H2BC12: variants seen among roughly 807,000 people sequenced by gnomAD.
H2BC12 encodes histone H2B type 1-K.
Under a neutral mutation model 6.3 loss-of-function variants are expected in H2BC12, and 6 were observed. The ratio of observed to expected loss-of-function variants is 0.95; its 90% CI spans 0.52 to 1.87. The LOEUF (loss-of-function observed/expected upper bound fraction) is 1.87. Among genes scored for constraint, H2BC12 ranks in the 40% most tolerant of loss-of-function variants. The pLI, the probability that H2BC12 is intolerant of heterozygous loss-of-function variation, is 0.01. For synonymous variants in H2BC12, 132 were observed against 78.5 expected, an observed-to-expected ratio of 1.68 and a Z score of -3.60; for missense variants, 119 against 178.4, an observed-to-expected ratio of 0.67 and a Z score of 1.90.
downstream of H2BC12, among the ~76,000 whole-genome samples, chr6:27,143,846 TAAA>T (rs34292040): frequency 2.2e-4 from 25 of 113,582 alleles, no homozygotes; most frequent in Middle Eastern, 5.1e-3. Context: ...AACTACTCTT[TAAA>T]AAAAAAAAAA....
downstream of H2BC12, among the ~76,000 whole-genome samples, chr6:27,141,695 TTTTTA>T (rs1386867189): frequency 3.3e-5 from 5 of 152,146 alleles, no homozygotes; most frequent in Admixed American, 2.6e-4. Context: ...GAGAAAGTCG[TTTTTA>T]TTTTGTGTCT....
chr6:27,144,419 G>C (rs550445742), downstream of H2BC12, among the ~76,000 whole-genome samples: 1,145 of 131,354 alleles, frequency 8.7e-3, 23 homozygotes, highest in African/African-American at 0.031. Flanking sequence ...CCAAGATCTC[G>C]CCGTTGCACT....
chr6:27,139,669 C>T, the H2BC12 span: 4 of 1,542,482 alleles, frequency 2.6e-6, no homozygotes, highest in Non-Finnish European at 3.5e-6. Flanking sequence ...TTTTTAGGGC[C>T]CCTAAGCTTT....
At chr6:27,145,301 C>CAA (rs1347779704), downstream of H2BC12, among the ~76,000 whole-genome samples, 1 of 116,228 alleles carries the variant, frequency 8.6e-6, no homozygotes, top group Non-Finnish European at 1.6e-5. Context: ...TAAATACACA[C>CAA]ACACACACAC....
chr6:27,139,028 G>A, the H2BC12 span: 12 of 348,820 alleles, frequency 3.4e-5, no homozygotes, highest in African/African-American at 2.3e-4. Flanking sequence ...CATTCTTTTT[G>A]CTTTATGTAT....
the H2BC12 span, chr6:27,139,254 A>AT: frequency 6.5e-7 from 1 of 1,532,314 alleles, no homozygotes; most frequent in African/African-American, 1.4e-5. Context: ...GAGGTTACCC[A>AT]TAAAAGAAAG....
In H2BC12 at chr6:27,146,598, G is replaced by A; in HGVS notation, c.201C>T (p.Val67=). The change falls in exon 1 of 1, where the codon GTC becomes GTT. Residue 67 remains valine (V), a synonymous_variant. Coordinates refer to ENST00000356950, the MANE Select transcript of H2BC12 (RefSeq NM_001312653.2). ...CCGCGATGCGTTCGAAGATGTCGTTGACGAAGGAGTTCATGATTCCCATGG... is the reference window on the plus strand; with the variant it reads ...CCGCGATGCGTTCGAAGATGTCGTTAACGAAGGAGTTCATGATTCCCATGG... ...SKAMGIMNSF[V]NDIFERIAGE... 1.2e-6 allele frequency: 2 copies of A among 1,614,266 alleles called. No individual in the cohort carries two copies. Among genetic ancestry groups the A allele is most frequent in the Non-Finnish European group, 1.7e-6 (2 of 1,180,050 alleles).
chr6:27,139,678 T>C, the H2BC12 span: 1 of 1,536,688 alleles, frequency 6.5e-7, no homozygotes, highest in Non-Finnish European at 8.7e-7. Flanking sequence ...CCCCTAAGCT[T>C]TCAACAAAAG....
downstream of H2BC12, among the ~76,000 whole-genome samples, chr6:27,145,335 CACAA>C (rs774864423): frequency 1.6e-4 from 23 of 146,886 alleles, no homozygotes; most frequent in East Asian, 5.9e-4. Flanking sequence ...CACACACACA[CACAA>C]AATTCCCCTG....
downstream of H2BC12, among the ~76,000 whole-genome samples, chr6:27,144,476 G>T (rs1419848637): frequency 1.1e-4 from 9 of 79,176 alleles, 1 homozygote; most frequent in East Asian, 2.2e-3. Context: ...GGGGGGGGGG[G>T]GCGGAATCTG....
At chr6:27,144,249 G>A (rs1760041279), downstream of H2BC12, among the ~76,000 whole-genome samples, 1 of 152,074 alleles carries the variant, frequency 6.6e-6, no homozygotes, top group Non-Finnish European at 1.5e-5. Flanking sequence ...ATCGCCCAAG[G>A]TCGGGAGTTC....
chr6:27,146,309 G>C, downstream of H2BC12: 12 of 1,546,658 alleles, frequency 7.8e-6, no homozygotes, highest in East Asian at 2.3e-5. Context: ...AAGATCGCCC[G>C]AATTTAAGCC....
At chr6:27,145,351 G>A (rs1760060483), downstream of H2BC12, among the ~76,000 whole-genome samples, 1 of 147,110 alleles carries the variant, frequency 6.8e-6, no homozygotes. Context: ...ATTCCCCTGT[G>A]AAACTGGCCT....
chr6:27,146,330 A>C, downstream of H2BC12: 1 of 1,576,758 alleles, frequency 6.3e-7, no homozygotes, highest in Non-Finnish European at 8.6e-7. Context: ...TGGATTAGGA[A>C]CACGTGTTTA....
chr6:27,139,485 G>T, the H2BC12 span: 4 of 1,614,190 alleles, frequency 2.5e-6, no homozygotes, highest in Non-Finnish European at 2.5e-6. Context: ...GCGGAGTGTT[G>T]AAGGTGTTCC....
chr6:27,140,037 T>C, the H2BC12 span, among the ~76,000 whole-genome samples: 3 of 151,846 alleles, frequency 2.0e-5, no homozygotes. Flanking sequence ...CAGGAAAACT[T>C]CGTGGTGGCT....
the H2BC12 span, chr6:27,139,746 A>C: frequency 7.2e-7 from 1 of 1,389,712 alleles, no homozygotes; most frequent in East Asian, 2.5e-5. Flanking sequence ...GAGTTCTGTC[A>C]TCCTATTTTA....
downstream of H2BC12, among the ~76,000 whole-genome samples, chr6:27,144,298 C>CT (rs369049375): frequency 3.3e-3 from 501 of 152,128 alleles, 2 homozygotes; most frequent in African/African-American, 8.0e-3. Context: ...CCCATCTCTA[C>CT]TAAAAATACA....
chr6:27,140,685 T>C, the H2BC12 span, among the ~76,000 whole-genome samples: 1 of 152,080 alleles, frequency 6.6e-6, no homozygotes, highest in Non-Finnish European at 1.5e-5. Context: ...CCAGCAGTGC[T>C]TGAGAGTTAT....
Sources: gnomAD v4.1 joint callset for allele counts (sites outside exome capture counted in the v4.1 genomes callset) on GRCh38, gnomAD v4.1.1 for gene constraint, MANE v1.5 for transcripts, NCBI Gene and HGNC (gene_info 2026-07-23, HGNC 2026-07-21) for gene names.